Variants in ANKLE2 observed in about 807,000 individuals in gnomAD.
The protein encoded by ANKLE2 is ankyrin repeat and LEM domain-containing protein 2.
ANKLE2 carries 55 observed loss-of-function variants against 84.2 expected under a neutral mutation model. The observed-to-expected ratio is 0.65, with a 90% confidence interval of 0.53 to 0.82. The LOEUF (loss-of-function observed/expected upper bound fraction) is 0.82, where lower values mean the gene tolerates loss of function less well. Ranked by LOEUF, ANKLE2 falls within the 40% of genes least tolerant of loss-of-function variation. The pLI is 0.00. For missense variants in ANKLE2, 1,238 were observed against 1,201.9 expected (o/e 1.03, Z -0.44); for synonymous variants, 551 against 486.1 (o/e 1.13, Z -1.76).
In ANKLE2 at chr12:132,754,922, G is replaced by A. The variant is rs1259709481; in HGVS notation, c.393C>T (p.Ser131=). ...YHHEAGVTAL[S]QDPQRILKPA... ...GCTTCAAAATCCTTTGTGGGTCCTG[G>A]CTGAGAGCTGTGACACCTGCCTCAT... The change falls in exon 2 of 13, where the codon AGC becomes AGT. Residue 131 remains serine (S), a synonymous_variant. Coordinates refer to ENST00000357997, the MANE Select transcript of ANKLE2 (RefSeq NM_015114.3). 1 of 1,614,180 alleles carries A rather than the reference G, an allele frequency of 6.2e-7. No individual in the cohort carries two copies. The highest frequency in any genetic ancestry group is 1.7e-5 in the Admixed American group (1 of 60,028).
At chr12:132,750,446 C>T (rs2044331492) in intron 3 of ANKLE2, among the ~76,000 whole-genome samples, 197 bp downstream of exon 3, 1 of 152,026 alleles carries the variant, frequency 6.6e-6, no homozygotes. Context: ...GCGGCCACAG[C>T]GTTCTTTTCA....
intron 4 of ANKLE2, 53 bp from the exon 5 acceptor site, chr12:132,748,073 T>C (rs2044276950): frequency 1.6e-5 from 26 of 1,604,644 alleles, no homozygotes; most frequent in Non-Finnish European, 2.1e-5. Flanking sequence ...GGACACGCCC[T>C]GTGCGAGTGC....
Position 132,746,588 on chromosome 12 carries a change from C to T in ANKLE2, c.1230+1244G>A, listed in dbSNP as rs1486681502. 2.0e-5 allele frequency among the ~76,000 whole-genome samples: 3 copies of T among 152,222 alleles called. No homozygotes were observed. The East Asian group carries it at 5.8e-4, about 29-fold the overall frequency. ...ACAACTGCCCAATTGTTGTACTAATCTAGCTTTAATGAAAAGCAAATTCAT... is the reference window on the plus strand; with the variant it reads ...ACAACTGCCCAATTGTTGTACTAATTTAGCTTTAATGAAAAGCAAATTCAT... On this transcript the variant is annotated intron_variant, in intron 5 of 12. Coordinates refer to ENST00000357997, the MANE Select transcript of ANKLE2 (RefSeq NM_015114.3).
chr12:132,735,135 G>A (rs936958463), intron 9 of ANKLE2: 3 of 491,056 alleles, frequency 6.1e-6, no homozygotes, highest in Non-Finnish European at 3.6e-6. Flanking sequence ...AAATATTAAG[G>A]TTCCTTAGAA....
intron 7 of ANKLE2, chr12:132,737,312 G>T: frequency 2.4e-6 from 1 of 416,642 alleles, no homozygotes; most frequent in Non-Finnish European, 4.3e-6. Flanking sequence ...ACTGCTACAA[G>T]AAAAGAAAGA....
At chr12:132,761,494 TC>T in intron 1 of ANKLE2, 123 bp downstream of exon 1, 1 of 863,392 alleles carries the variant, frequency 1.2e-6, no homozygotes, top group Non-Finnish European at 1.5e-6. Context: ...GGCCCTGGTT[TC>T]CCCGGCCGCC....
At position 132,743,178 on chromosome 12, in the gene ANKLE2, A is replaced by G; in HGVS notation, c.1329T>C (p.Asn443=). Residue 443 remains asparagine (N), a synonymous_variant, in exon 6 of 13, where the codon AAT becomes AAC. Transcript: ENST00000357997. This position sits in a 1 kb window ranked among gnomAD's most constrained non-coding sequence, Gnocchi z 4.1. ...SHHLIVKNSR[N]KYDKTPEDVI... ...CATCTTCAGGTGTTTTATCATATTT[A>G]TTCCTTGAGTTTTTTACAATCAAAT... The G allele has an allele frequency of 6.2e-7, 1 of 1,610,690 alleles. No homozygotes were observed. Among genetic ancestry groups the G allele is most frequent in the South Asian group, 1.1e-5 (1 of 90,162 alleles).
At chr12:132,731,102 C>G (rs570412816) in intron 10 of ANKLE2, 2 of 152,316 alleles carry the variant, frequency 1.3e-5, no homozygotes, top group South Asian at 4.1e-4. Flanking sequence ...CAGAAATGTC[C>G]CGTTTGGTGT....
intron 5 of ANKLE2, among the ~76,000 whole-genome samples, chr12:132,746,345 T>A (rs1456371022): frequency 1.0e-5 from 1 of 99,144 alleles, no homozygotes; most frequent in Non-Finnish European, 2.1e-5. Flanking sequence ...CAAGACTCTG[T>A]CTCAAAAAAA....
In ANKLE2 at chr12:132,761,490, G is replaced by A. The variant is rs61951317; in HGVS notation, c.181+128C>T. On this transcript the variant is annotated intron_variant, in intron 1 of 12. Coordinates refer to ENST00000357997, the MANE Select transcript of ANKLE2 (RefSeq NM_015114.3). The stretch of plus-strand genomic sequence containing the variant: ...GGAATGGCCTTTCCCGACCGGCCCT[G>A]GTTTCCCCGGCCGCCTCGCCCAACT... 64,253 of 826,648 alleles carry A rather than the reference G, an allele frequency of 0.078. 2,922 individuals are homozygous for A. The highest frequency in any genetic ancestry group is 0.15 in the Admixed American group (3,220 of 21,774). 51.2% of individuals were successfully genotyped at this position (826,648 alleles called of 1,614,324 possible).
chr12:132,731,708 C>T (rs1003827409), intron 10 of ANKLE2: 3 of 152,254 alleles, frequency 2.0e-5, no homozygotes, highest in Non-Finnish European at 2.9e-5. Context: ...GTTGGCCTCC[C>T]TAAGTGCTGG....
chr12:132,748,303 T>C lies in ANKLE2; in HGVS notation c.876A>G (p.Thr292=). ...KDGLCLSESE[T]VNKERANSYK... ...AACTGTTCGCTCGCTCTTTGTTGAC[T>C]GTTTCTGATTCCGACAAGCACAAAC... The change falls in exon 4 of 13, where the codon ACA becomes ACG. Residue 292 remains threonine (T), a synonymous_variant. Coordinates refer to ENST00000357997, the MANE Select transcript of ANKLE2 (RefSeq NM_015114.3). 1 of 1,614,216 alleles carries C rather than the reference T, an allele frequency of 6.2e-7. No homozygotes were observed. The highest frequency in any genetic ancestry group is 8.5e-7 in the Non-Finnish European group (1 of 1,180,038).
chr12:132,741,773 C>CTGCAAGGA, intron 6 of ANKLE2: 1 of 550,086 alleles, frequency 1.8e-6, no homozygotes, highest in Non-Finnish European at 3.5e-6. Flanking sequence ...ACCAGCGCAT[C>CTGCAAGGA]GAGTAAAAGC....
intron 8 of ANKLE2, 39 bp from the exon 9 acceptor site, chr12:132,735,551 C>T: frequency 6.4e-7 from 1 of 1,550,570 alleles, no homozygotes; most frequent in African/African-American, 1.4e-5. Flanking sequence ...GTGTCAGGCA[C>T]TGCGCCCCTC....
At chr12:132,735,288 G>A in intron 9 of ANKLE2, 118 bp downstream of exon 9, 1 of 940,134 alleles carries the variant, frequency 1.1e-6, no homozygotes. Flanking sequence ...AAAGGACCAA[G>A]TCTCCCAGAA....
Position 132,748,215 on chromosome 12 carries a change from C to T in ANKLE2, c.964G>A (p.Glu322Lys). 1 of 1,614,122 alleles carries T rather than the reference C, an allele frequency of 6.2e-7. No homozygotes were observed. The highest frequency in any genetic ancestry group is 8.5e-7 in the Non-Finnish European group (1 of 1,180,028). Residue 322 changes from glutamate (E) to lysine (K), a missense_variant, in exon 4 of 13, where the codon GAG (glutamate) becomes AAG (lysine). By Grantham distance (56) the Glu-to-Lys change is moderately conservative. Coordinates refer to ENST00000357997, the MANE Select transcript of ANKLE2 (RefSeq NM_015114.3). ...CAGATAAGGTCAGAAAAGGTGTCCT[C>T]CTCTCCCTTCTCCACAGCTTTCCGA... is the stretch of plus-strand genomic sequence containing the variant. ...KLRKAVEKGE[E>K]DTFSDLIWSN... is the part of the protein sequence containing the mutation.
chr12:132,757,337 G>A (rs1258401332), intron 1 of ANKLE2: 1 of 152,274 alleles, frequency 6.6e-6, no homozygotes. Context: ...CCTGTAAAGG[G>A]CGAGAGAGTA....
Position 132,727,215 on chromosome 12 carries a change from GAACA to G in ANKLE2, c.*23_*26del, listed in dbSNP as rs1165426072. ...TGACCCTTCCTTCTTTAAAAATGAA[GAACA>G]AACCGAGAGCCCAGCGCCAAGCCTA... On this transcript the variant is annotated 3_prime_UTR_variant, in exon 13 of 13. Coordinates refer to ENST00000357997, the MANE Select transcript of ANKLE2 (RefSeq NM_015114.3). 3 of 1,512,366 alleles carry G rather than the reference GAACA, an allele frequency of 2.0e-6. No individual in the cohort carries two copies. Among genetic ancestry groups the G allele is most frequent in the Non-Finnish European group, 2.7e-6 (3 of 1,127,262 alleles). The allele number at this position is 1,512,366 out of a possible 1,614,324, so 93.7% of individuals were successfully genotyped here.
At position 132,761,619 on chromosome 12, in the gene ANKLE2, T is replaced by A. The variant is rs951881819; in HGVS notation, c.180A>T (p.Ser60=). 19 of 1,252,852 alleles carry A rather than the reference T, an allele frequency of 1.5e-5. No individual in the cohort carries two copies. In the African/African-American group the frequency reaches 2.5e-4, roughly 17 times the overall value. 77.6% of individuals were successfully genotyped at this position (1,252,852 alleles called of 1,614,324 possible). A position where few individuals can be genotyped will look rare whatever the true frequency, so the allele number is the denominator to read the frequency against. The change falls in exon 1 of 13, where the codon TCA becomes TCT. Residue 60 remains serine, a splice_region_variant and synonymous_variant. Transcript: ENST00000357997. Reference sequence around the variant, plus strand: ...ACCCAGCGACCGCCTGGGCCTTACCTGAGGCGGGGGCGGCGGCCGCGCTTG... The same window carrying A: ...ACCCAGCGACCGCCTGGGCCTTACCAGAGGCGGGGGCGGCGGCCGCGCTTG... ...PPPSAAAAPA[S]GEMTMDALLA... is the part of the protein sequence containing the mutation.
Sources: allele counts gnomAD v4.1 joint callset (sites outside exome capture counted in the v4.1 genomes callset), GRCh38; gene constraint gnomAD v4.1.1; non-coding constraint Gnocchi (gnomAD v3.1); transcripts MANE v1.5; gene names NCBI Gene and HGNC (gene_info 2026-07-23, HGNC 2026-07-21).